FKBP5: variants seen among roughly 807,000 people sequenced by gnomAD.
FKBP5 encodes the protein peptidyl-prolyl cis-trans isomerase FKBP5.
Under a neutral mutation model 50.5 loss-of-function variants are expected in FKBP5, and 23 were observed. The ratio of observed to expected loss-of-function variants is 0.46; its 90% CI spans 0.33 to 0.65. The LOEUF is 0.65. Among genes scored for constraint, FKBP5 ranks in the 30% least tolerant of loss-of-function variants. FKBP5 has a pLI of 0.02. For synonymous variants in FKBP5, 176 were observed against 190.6 expected, an observed-to-expected ratio of 0.92 and a Z score of 0.63; for missense variants, 411 against 553.1, an observed-to-expected ratio of 0.74 and a Z score of 2.58.
At chr6:35,718,192 G>A (rs766692328) in intron 2 of FKBP5, among the ~76,000 whole-genome samples, 1 of 152,172 alleles carries the variant, frequency 6.6e-6, no homozygotes, top group Non-Finnish European at 1.5e-5. Flanking sequence ...GAAGTGGTAG[G>A]GGAAAGGGGG....
rs537064047 is a variant in FKBP5, at chr6:35,620,924, T to C, written c.251-650A>G. On this transcript the variant is annotated intron_variant, in intron 3 of 10. Coordinates refer to ENST00000357266, the MANE Select transcript of FKBP5 (RefSeq NM_004117.4). ...TAAGCGCAAATTTTCTAGGCAGAGA[T>C]AGAACAAAAATAGTATTGAAAAATA... 7.2e-5 allele frequency among the ~76,000 whole-genome samples: 11 copies of C among 152,218 alleles called. No homozygotes were observed. In the South Asian group the frequency reaches 1.0e-3, roughly 14 times the overall value.
intron 1 of FKBP5, among the ~76,000 whole-genome samples, chr6:35,678,802 C>T (rs1284524398): frequency 6.6e-6 from 1 of 152,212 alleles, no homozygotes; most frequent in East Asian, 1.9e-4. Flanking sequence ...AAGCACATGG[C>T]TGGACACAGT....
At chr6:35,662,317 C>G (rs934517014) in intron 1 of FKBP5, among the ~76,000 whole-genome samples, 4 of 149,594 alleles carry the variant, frequency 2.7e-5, no homozygotes, top group Non-Finnish European at 5.9e-5. Flanking sequence ...CTCTGTTGCT[C>G]AGGCTGGAGT....
chr6:35,642,037 T>TAAAATAAAAC (rs1554135031), intron 2 of FKBP5, among the ~76,000 whole-genome samples: 12 of 145,006 alleles, frequency 8.3e-5, no homozygotes, highest in South Asian at 2.1e-4. Flanking sequence ...TAAAATAAAA[T>TAAAATAAAAC]AAAACCCCTT....
intron 1 of FKBP5, among the ~76,000 whole-genome samples, chr6:35,682,150 G>C (rs1765685240): frequency 6.8e-6 from 1 of 146,194 alleles, no homozygotes; most frequent in Non-Finnish European, 1.5e-5. Flanking sequence ...CCATCCACTA[G>C]GTAATAATTT....
chr6:35,648,231 T>C (rs751734925), intron 1 of FKBP5, among the ~76,000 whole-genome samples: 1 of 152,194 alleles, frequency 6.6e-6, no homozygotes, highest in Non-Finnish European at 1.5e-5. Flanking sequence ...TCTCTGGCTT[T>C]ATACCCTAAG....
rs1581897014 is a variant in FKBP5 at position 35,705,274 on chromosome 6, T to A, written c.-20+15054A>T. On this transcript the variant is annotated intron_variant, in intron 2 of 11. Transcript: ENST00000536438. ...TATATATATATTTTTTTTTTTTTTT[T>A]TTTTTTTTTGGAGACAGTGTCTCAC... 3.3e-4 allele frequency among the ~76,000 whole-genome samples: 6 copies of A among 18,034 alleles called. No individual in the cohort carries two copies. In the African/African-American group the frequency reaches 3.4e-3, roughly 10 times the overall value. The allele number at this position is 18,034 out of a possible 152,430, so 11.8% of individuals were successfully genotyped here. A position where few individuals can be genotyped will look rare whatever the true frequency, so the allele number is the denominator to read the frequency against.
chr6:35,653,512 C>A (rs1764869658), intron 1 of FKBP5, among the ~76,000 whole-genome samples: 1 of 152,124 alleles, frequency 6.6e-6, no homozygotes, highest in Non-Finnish European at 1.5e-5. Context: ...AACATGATAT[C>A]TGGAGTTAAA....
intron 1 of FKBP5, among the ~76,000 whole-genome samples, chr6:35,669,880 T>G (rs1581868740): frequency 6.6e-6 from 1 of 152,220 alleles, no homozygotes; most frequent in East Asian, 1.9e-4. Context: ...TCCTTTTTTC[T>G]CTTGCTTGCC....
At chr6:35,711,338 G>T (rs1199875865) in intron 2 of FKBP5, among the ~76,000 whole-genome samples, 1 of 150,078 alleles carries the variant, frequency 6.7e-6, no homozygotes, top group African/African-American at 2.5e-5. Context: ...AAAAAAGAAG[G>T]CCGGGAGCTG....
At chr6:35,589,151 C>T (rs1435302649) in intron 7 of FKBP5, among the ~76,000 whole-genome samples, 7 of 133,412 alleles carry the variant, frequency 5.2e-5, no homozygotes, top group South Asian at 4.6e-4. Context: ...TCCTCTGAGA[C>T]GGAGTCTTGC....
At chr6:35,656,564 T>C (rs1764955174) in intron 1 of FKBP5, among the ~76,000 whole-genome samples, 1 of 152,182 alleles carries the variant, frequency 6.6e-6, no homozygotes, top group Non-Finnish European at 1.5e-5. Context: ...CACTTACATG[T>C]GGTATTAGTT....
intron 2 of FKBP5, among the ~76,000 whole-genome samples, chr6:35,700,831 C>A (rs1020998705): frequency 2.6e-5 from 4 of 151,968 alleles, no homozygotes; most frequent in African/African-American, 9.7e-5. Flanking sequence ...TGGTGGTGCA[C>A]ACCTGTAATC....
At chr6:35,623,316 T>C (rs1034709579) in intron 3 of FKBP5, among the ~76,000 whole-genome samples, 12 of 152,208 alleles carry the variant, frequency 7.9e-5, no homozygotes, top group African/African-American at 2.7e-4. Context: ...GCACATAATA[T>C]GTATTTGATA....
Position 35,636,527 on chromosome 6 carries a change from C to T in FKBP5, c.250+487G>A, listed in dbSNP as rs978113672. ...TACTTTGGGGGACAGAAGTGCTCTA[C>T]ACGTGCTTCCCTTTCTGTCACAGAA... is the stretch of plus-strand genomic sequence containing the variant. On this transcript the variant is annotated intron_variant, in intron 3 of 10. Coordinates refer to ENST00000357266, the MANE Select transcript of FKBP5 (RefSeq NM_004117.4). 2.6e-5 allele frequency among the ~76,000 whole-genome samples: 4 copies of T among 152,232 alleles called. No individual in the cohort carries two copies. The East Asian group carries it at 7.7e-4, about 29-fold the overall frequency.
At chr6:35,670,755 A>G (rs1180479645) in intron 1 of FKBP5, among the ~76,000 whole-genome samples, 1 of 151,730 alleles carries the variant, frequency 6.6e-6, no homozygotes, top group Non-Finnish European at 1.5e-5. Context: ...AAAGAAAAGA[A>G]AAGAAAAGAA....
rs919595052 is a variant in FKBP5 at position 35,585,260 on chromosome 6, T to C, written c.840+1774A>G. The stretch of plus-strand genomic sequence containing the variant: ...AGAAAATACTGTTAAGGACTCACGA[T>C]CTTAAGAAATTTTGTAGAAACATTT... On this transcript the variant is annotated intron_variant, in intron 8 of 10. Transcript: ENST00000357266. 6.1e-6 allele frequency: 6 copies of C among 981,114 alleles called. No homozygotes were observed. The African/African-American group carries it at 8.7e-5, about 14-fold the overall frequency. The allele number at this position is 981,114 out of a possible 1,614,324, so 60.8% of individuals were successfully genotyped here.
chr6:35,590,701 C>G (rs1468372358), intron 7 of FKBP5, among the ~76,000 whole-genome samples: 1 of 152,078 alleles, frequency 6.6e-6, no homozygotes, highest in Non-Finnish European at 1.5e-5. Context: ...AGCCACAGTG[C>G]AGGCCTCTTC....
intron 5 of FKBP5, among the ~76,000 whole-genome samples, chr6:35,609,138 A>G (rs1409391923): frequency 6.6e-6 from 1 of 152,164 alleles, no homozygotes; most frequent in East Asian, 1.9e-4. Flanking sequence ...CTACTGCTTC[A>G]GAGATCTTTC....
Sources: gnomAD v4.1 joint callset for allele counts (sites outside exome capture counted in the v4.1 genomes callset) on GRCh38, gnomAD v4.1.1 for gene constraint, MANE v1.5 for transcripts, NCBI Gene and HGNC (gene_info 2026-07-23, HGNC 2026-07-21) for gene names.